Variants in CSMD1 observed in about 807,000 individuals in gnomAD.
CSMD1 encodes CUB and Sushi multiple domains 1.
Under a neutral mutation model 417.5 loss-of-function variants are expected in CSMD1, and 213 were observed. The ratio of observed to expected loss-of-function variants is 0.51; its 90% CI spans 0.46 to 0.57. CSMD1 has a LOEUF of 0.57. Ranked by LOEUF, CSMD1 falls within the 20% of genes least tolerant of loss-of-function variation. The pLI is 0.00. For synonymous variants in CSMD1, 2,862 were observed against 1,736.8 expected (o/e 1.65, Z -16.11); for missense variants, 6,923 against 4,529.7 (o/e 1.53, Z -15.17).
chr8:2,984,062 C>T (rs911410905), intron 54 of CSMD1, among the ~76,000 whole-genome samples: 1 of 152,088 alleles, frequency 6.6e-6, no homozygotes, highest in Non-Finnish European at 1.5e-5. Context: ...AAAAATAAAA[C>T]CAACTTAGTG....
At chr8:3,034,324 A>C (rs1262683089) in intron 50 of CSMD1, among the ~76,000 whole-genome samples, 1 of 152,186 alleles carries the variant, frequency 6.6e-6, no homozygotes, top group Non-Finnish European at 1.5e-5. Context: ...TGGTCAGAGA[A>C]AAAGCCAACC....
At chr8:4,949,770 A>C (rs1371008602) in intron 1 of CSMD1, among the ~76,000 whole-genome samples, 1 of 152,196 alleles carries the variant, frequency 6.6e-6, no homozygotes, top group African/African-American at 2.4e-5. Context: ...ATTGATATGA[A>C]GTTTCTGTGG....
chr8:4,608,122 T>C (rs1004627683), intron 2 of CSMD1, among the ~76,000 whole-genome samples: 6 of 152,084 alleles, frequency 3.9e-5, no homozygotes, highest in African/African-American at 1.4e-4. Context: ...GTGTCCCTGG[T>C]GTGAAGACAG....
At chr8:4,156,414 C>G (rs996881408) in intron 3 of CSMD1, among the ~76,000 whole-genome samples, 2 of 152,160 alleles carry the variant, frequency 1.3e-5, no homozygotes, top group African/African-American at 2.4e-5. Context: ...CAATGAGTCT[C>G]TGTACTGACT....
At chr8:4,447,188 T>A (rs1798866352) in intron 2 of CSMD1, among the ~76,000 whole-genome samples, 1 of 152,226 alleles carries the variant, frequency 6.6e-6, no homozygotes, top group Non-Finnish European at 1.5e-5. Context: ...ATTTCCCAAT[T>A]ATTATGGATA....
At chr8:3,938,326 GA>G (rs1049919239) in intron 5 of CSMD1, among the ~76,000 whole-genome samples, 3 of 152,080 alleles carry the variant, frequency 2.0e-5, no homozygotes, top group African/African-American at 7.2e-5. Flanking sequence ...TGTTTTGGAA[GA>G]AAAAAGCATA....
At chr8:3,570,494 G>A (rs1039418302) in intron 10 of CSMD1, among the ~76,000 whole-genome samples, 2 of 152,108 alleles carry the variant, frequency 1.3e-5, no homozygotes, top group Non-Finnish European at 2.9e-5. Flanking sequence ...GACCAAATCG[G>A]GAACTAAAGC....
intron 1 of CSMD1, among the ~76,000 whole-genome samples, chr8:4,680,370 A>G (rs1805960803): frequency 6.6e-6 from 1 of 152,174 alleles, no homozygotes; most frequent in South Asian, 2.1e-4. Context: ...TTCCCTACTA[A>G]TGTTACTGTT....
chr8:4,762,636 C>T (rs1204964808), intron 1 of CSMD1, among the ~76,000 whole-genome samples: 1 of 152,122 alleles, frequency 6.6e-6, no homozygotes, highest in Non-Finnish European at 1.5e-5. Flanking sequence ...GCATAGGACG[C>T]AGCGTCTCCA....
At chr8:4,234,554 T>C (rs1297982949) in intron 3 of CSMD1, among the ~76,000 whole-genome samples, 1 of 152,200 alleles carries the variant, frequency 6.6e-6, no homozygotes, top group African/African-American at 2.4e-5. Flanking sequence ...CTTTTGGCCG[T>C]TCCTTTAGTA....
chr8:4,104,248 C>T (rs1801450456), intron 3 of CSMD1, among the ~76,000 whole-genome samples: 1 of 152,238 alleles, frequency 6.6e-6, no homozygotes, highest in Non-Finnish European at 1.5e-5. Flanking sequence ...GACATAGATA[C>T]ATAATGATTT....
chr8:4,075,387 A>G lies in CSMD1; in HGVS notation c.416-43288T>C, dbSNP rs530961129. 4.3e-4 allele frequency among the ~76,000 whole-genome samples: 65 copies of G among 152,268 alleles called. 1 individual carries two copies. The South Asian group carries it at 6.8e-3, about 16-fold the overall frequency. ...ATTTTTTTTTGATGCTAAAGAACAG[A>G]AAAAACTCAAATGTTATTTTTAATA... On this transcript the variant is annotated intron_variant, in intron 3 of 69. Transcript: ENST00000635120.
chr8:3,305,470 A>T (rs779671230), intron 25 of CSMD1, among the ~76,000 whole-genome samples: 1 of 150,918 alleles, frequency 6.6e-6, no homozygotes, highest in African/African-American at 2.4e-5. Flanking sequence ...TCATGAAGGG[A>T]TTAATGCTGT....
chr8:4,467,191 C>G (rs367722168), intron 2 of CSMD1, among the ~76,000 whole-genome samples: 32 of 150,468 alleles, frequency 2.1e-4, no homozygotes, highest in East Asian at 1.4e-3. Flanking sequence ...AAACAATGTT[C>G]AAAGTCCTTA....
chr8:3,972,155 C>A (rs781686357), intron 5 of CSMD1, among the ~76,000 whole-genome samples: 1 of 152,046 alleles, frequency 6.6e-6, no homozygotes, highest in Non-Finnish European at 1.5e-5. Context: ...ACAGGTTGAA[C>A]CCCTGTGCCT....
intron 3 of CSMD1, among the ~76,000 whole-genome samples, chr8:4,290,382 C>T (rs932289766): frequency 2.6e-5 from 4 of 152,136 alleles, no homozygotes; most frequent in African/African-American, 4.8e-5. Flanking sequence ...AGCCCAAAGA[C>T]GTAGGAAGTG....
intron 3 of CSMD1, among the ~76,000 whole-genome samples, chr8:4,331,942 A>G (rs968165825): frequency 2.6e-5 from 4 of 152,200 alleles, no homozygotes; most frequent in Non-Finnish European, 4.4e-5. Flanking sequence ...CTCCATGACC[A>G]TGGCATTGGA....
At chr8:2,983,422 G>C (rs931250551) in intron 54 of CSMD1, among the ~76,000 whole-genome samples, 2 of 152,086 alleles carry the variant, frequency 1.3e-5, no homozygotes, top group African/African-American at 4.8e-5. Context: ...TCCTGACCTC[G>C]TGATCCGCCT....
intron 3 of CSMD1, among the ~76,000 whole-genome samples, chr8:4,224,498 G>C (rs932429077): frequency 2.0e-5 from 3 of 152,150 alleles, no homozygotes; most frequent in Non-Finnish European, 4.4e-5. Flanking sequence ...TCTCAGTTCA[G>C]TGTCTACTAA....
Sources: gnomAD v4.1 joint callset for allele counts (sites outside exome capture counted in the v4.1 genomes callset) on GRCh38, gnomAD v4.1.1 for gene constraint, MANE v1.5 for transcripts, NCBI Gene and HGNC (gene_info 2026-07-23, HGNC 2026-07-21) for gene names.